Variants in IL20RB observed in about 807,000 individuals in gnomAD.
IL20RB encodes interleukin-20 receptor subunit beta.
Under a neutral mutation model 33.3 loss-of-function variants are expected in IL20RB, and 21 were observed. The ratio of observed to expected loss-of-function variants is 0.63; its 90% confidence interval spans 0.45 to 0.91. IL20RB has a LOEUF of 0.91. Ranked by LOEUF, IL20RB falls within the 40% of genes least tolerant of loss-of-function variation. The pLI is 0.00. For synonymous variants in IL20RB, 147 were observed against 146.8 expected, an observed-to-expected ratio of 1.00 and a Z score of -0.01; for missense variants, 345 against 384.8, an observed-to-expected ratio of 0.90 and a Z score of 0.86.
intron 6 of IL20RB, among the ~76,000 whole-genome samples, chr3:137,003,632 G>C (rs902364932): frequency 6.6e-6 from 1 of 152,188 alleles, no homozygotes; most frequent in Non-Finnish European, 1.5e-5. Context: ...CTGAGGCTTT[G>C]CTGAAGTTGC....
intron 1 of IL20RB, among the ~76,000 whole-genome samples, chr3:136,963,276 G>A (rs1440731025): frequency 1.3e-5 from 2 of 152,150 alleles, no homozygotes; most frequent in Admixed American, 6.5e-5. Flanking sequence ...CTTATGTGAT[G>A]TAAAGTTTTC....
intron 6 of IL20RB, among the ~76,000 whole-genome samples, chr3:137,009,814 T>C (rs361234): frequency 0.62 from 93,510 of 151,630 alleles, 29,313 homozygotes; most frequent in East Asian, 0.9. Flanking sequence ...TGTGAGCCAT[T>C]GCACCTGCCT....
At position 136,998,129 on chromosome 3, in the gene IL20RB, C is replaced by CT. The variant is rs35491086; in HGVS notation, c.825+2591dup. On this transcript the variant is annotated intron_variant, in intron 6 of 6. Coordinates refer to ENST00000329582, the MANE Select transcript of IL20RB (RefSeq NM_144717.4). ...GAATTTAGGTCCATGATTTTCTTTT[C>CT]TTTTTTTTTTTTTTTTTTCCCCTCT... is the stretch of plus-strand genomic sequence containing the variant. Among the ~76,000 whole-genome samples the CT allele has an allele frequency of 8.5e-3, 1,021 of 119,420 alleles. 6 individuals carry two copies. Among genetic ancestry groups the CT allele is most frequent in the Non-Finnish European group, 0.014 (799 of 58,044 alleles). 78.3% of individuals were successfully genotyped at this position (119,420 alleles called of 152,430 possible). A position where few individuals can be genotyped will look rare whatever the true frequency, so the allele number is the denominator to read the frequency against.
Position 137,010,310 on chromosome 3 carries a change from C to T in IL20RB, c.*87C>T. ...GGACAAGTTGTGTTTCTGTTTTCCG[C>T]CACGGACAAGGGATGAGAGAAGTAG... On this transcript the variant is annotated 3_prime_UTR_variant, in exon 7 of 7. Coordinates refer to ENST00000329582, the MANE Select transcript of IL20RB (RefSeq NM_144717.4). 1 of 741,220 alleles carries T rather than the reference C, an allele frequency of 1.3e-6. No homozygotes were observed. Among genetic ancestry groups the T allele is most frequent in the South Asian group, 1.5e-5 (1 of 67,808 alleles). 45.9% of individuals were successfully genotyped at this position (741,220 alleles called of 1,614,324 possible). A position where few individuals can be genotyped will look rare whatever the true frequency, so the allele number is the denominator to read the frequency against.
At chr3:136,962,308 G>A (rs1235200940) in intron 1 of IL20RB, among the ~76,000 whole-genome samples, 1 of 152,124 alleles carries the variant, frequency 6.6e-6, no homozygotes, top group Non-Finnish European at 1.5e-5. Flanking sequence ...TGATCAGGGT[G>A]GTTAACATCA....
Position 136,963,680 on chromosome 3 carries a change from T to TC in IL20RB, c.88+5479_88+5480insC, listed in dbSNP as rs1352191205. On this transcript the variant is annotated intron_variant, in intron 1 of 6. Coordinates refer to ENST00000329582, the MANE Select transcript of IL20RB (RefSeq NM_144717.4). ...TTATGTGTTCTAGATACTAGTTCTT[T>TC]TTTTTTTTTTTTATTTTTTTTTTTT... Among the ~76,000 whole-genome samples, 5 of 93,730 alleles carry TC rather than the reference T, an allele frequency of 5.3e-5. No individual in the cohort carries two copies. In the East Asian group the frequency reaches 2.9e-3, roughly 54 times the overall value. The allele number at this position is 93,730 out of a possible 152,430, so 61.5% of individuals were successfully genotyped here.
At chr3:136,979,400 A>G (rs1296146372) in intron 1 of IL20RB, among the ~76,000 whole-genome samples, 1 of 152,198 alleles carries the variant, frequency 6.6e-6, no homozygotes, top group Non-Finnish European at 1.5e-5. Context: ...AAAAGTCCCA[A>G]ATGAGGACTC....
intron 6 of IL20RB, among the ~76,000 whole-genome samples, chr3:137,006,101 C>T (rs1198188243): frequency 2.0e-5 from 3 of 152,228 alleles, no homozygotes; most frequent in African/African-American, 4.8e-5. Context: ...CCACCACTCT[C>T]TTCCGGCTTG....
In IL20RB at chr3:137,011,002, G is replaced by A. The variant is rs1252091870; in HGVS notation, c.*779G>A. The stretch of plus-strand genomic sequence containing the variant: ...ATGCAGAAGTCAGTAACATGTGCAT[G>A]TTTGTTGTGCTCCTTTTTTCTGTTG... On this transcript the variant is annotated 3_prime_UTR_variant, in exon 7 of 7. Transcript: ENST00000329582. The A allele has an allele frequency of 6.6e-6, 1 of 152,244 alleles. No individual in the cohort carries two copies. Among genetic ancestry groups the A allele is most frequent in the Non-Finnish European group, 1.5e-5 (1 of 68,054 alleles). 9.4% of individuals were successfully genotyped at this position (152,244 alleles called of 1,614,324 possible).
chr3:136,960,771 A>G (rs1560063147), intron 1 of IL20RB, among the ~76,000 whole-genome samples: 1 of 152,204 alleles, frequency 6.6e-6, no homozygotes, highest in Non-Finnish European at 1.5e-5. Flanking sequence ...TGTGCCCTTT[A>G]TATATCTCTG....
In IL20RB at chr3:136,977,148, CGGTT is replaced by C. The variant is rs750476346; in HGVS notation, c.89-3317_89-3314del. On this transcript the variant is annotated intron_variant, in intron 1 of 6. Coordinates refer to ENST00000329582, the MANE Select transcript of IL20RB (RefSeq NM_144717.4). ...AAGTGTGACTGTATATACATGATTT[CGGTT>C]CTTCTAAGTGGAGGAGGTAAGCATG... 2.8e-3 allele frequency among the ~76,000 whole-genome samples: 433 copies of C among 152,296 alleles called. 2 individuals are homozygous for C. The highest frequency in any genetic ancestry group is 5.2e-3 in the Non-Finnish European group (351 of 68,020).
rs111389024 is a variant in IL20RB at position 136,994,173 on chromosome 3, G to A, written c.683-1241G>A. Reference sequence around the variant, plus strand: ...TGGGGAGAAGTGAGGATATGGGCACGAAAAAAACAGAAAGAATGAATAAGA... The same window carrying A: ...TGGGGAGAAGTGAGGATATGGGCACAAAAAAAACAGAAAGAATGAATAAGA... On this transcript the variant is annotated intron_variant, in intron 5 of 6. Coordinates refer to ENST00000329582, the MANE Select transcript of IL20RB (RefSeq NM_144717.4). Among the ~76,000 whole-genome samples, 705 of 151,948 alleles carry A rather than the reference G, an allele frequency of 4.6e-3. 11 individuals carry two copies. Among genetic ancestry groups the A allele is most frequent in the African/African-American group, 0.016 (674 of 41,428 alleles).
intron 6 of IL20RB, among the ~76,000 whole-genome samples, chr3:137,006,777 C>T (rs1437861599): frequency 1.3e-5 from 2 of 152,220 alleles, no homozygotes; most frequent in South Asian, 2.1e-4. Flanking sequence ...TCTGTCAACT[C>T]GTCAAAGTCA....
intron 1 of IL20RB, among the ~76,000 whole-genome samples, chr3:136,975,130 G>T (rs1030281956): frequency 1.3e-5 from 2 of 151,886 alleles, no homozygotes; most frequent in Non-Finnish European, 2.9e-5. Flanking sequence ...TTTGATTAAG[G>T]TCTATTGCTG....
intron 2 of IL20RB, 56 bp from the exon 3 acceptor site, chr3:136,982,104 A>G: frequency 7.5e-7 from 1 of 1,337,290 alleles, no homozygotes; most frequent in Non-Finnish European, 1.0e-6. Context: ...TTGCAACCAT[A>G]ACTGAGCCTG....
intron 3 of IL20RB, among the ~76,000 whole-genome samples, chr3:136,984,569 GT>G (rs1560071737): frequency 1.3e-5 from 2 of 151,958 alleles, no homozygotes; most frequent in African/African-American, 2.4e-5. Context: ...ATTCGGATGA[GT>G]CAAAATTTAC....
chr3:137,010,486 C>T lies in IL20RB; in HGVS notation c.*263C>T, dbSNP rs577162754. On this transcript the variant is annotated 3_prime_UTR_variant, in exon 7 of 7. Coordinates refer to ENST00000329582, the MANE Select transcript of IL20RB (RefSeq NM_144717.4). Reference sequence around the variant, plus strand: ...AACCCTGGGAAAAGTGACTTCATCCCTTCGGTCCTAAGTTTTCTCATCTGT... The same window carrying T: ...AACCCTGGGAAAAGTGACTTCATCCTTTCGGTCCTAAGTTTTCTCATCTGT... 74 of 383,746 alleles carry T rather than the reference C, an allele frequency of 1.9e-4. No homozygotes were observed. The South Asian group carries it at 3.2e-3, about 16-fold the overall frequency. The allele number at this position is 383,746 out of a possible 1,614,324, so 23.8% of individuals were successfully genotyped here. A position where few individuals can be genotyped will look rare whatever the true frequency, so the allele number is the denominator to read the frequency against.
chr3:136,989,413 T>C, intron 3 of IL20RB, 28 bp from the exon 4 acceptor site: 1 of 1,612,474 alleles, frequency 6.2e-7, no homozygotes, highest in Non-Finnish European at 8.5e-7. Flanking sequence ...TGGGGCTGGC[T>C]TTGACTCTCC....
intron 3 of IL20RB, among the ~76,000 whole-genome samples, chr3:136,987,619 T>G (rs551146848): frequency 6.6e-6 from 1 of 152,124 alleles, no homozygotes; most frequent in African/African-American, 2.4e-5. Context: ...TCGATGGGAC[T>G]GGGCGCCGTG....
Sources: gnomAD v4.1 joint callset for allele counts (sites outside exome capture counted in the v4.1 genomes callset) on GRCh38, gnomAD v4.1.1 for gene constraint, MANE v1.5 for transcripts, NCBI Gene and HGNC (gene_info 2026-07-23, HGNC 2026-07-21) for gene names.